Variants in NAT1 observed in about 807,000 individuals in gnomAD.
The protein encoded by NAT1 is arylamine N-acetyltransferase 1.
For synonymous variants in NAT1, 144 were observed against 122.6 expected, an observed-to-expected ratio of 1.17 and a Z score of -1.16; for missense variants, 400 against 339.2, an observed-to-expected ratio of 1.18 and a Z score of -1.41.
At chr8:18,182,309 A>G (rs1312419342) in intron 2 of NAT1, among the ~76,000 whole-genome samples, 2 of 152,138 alleles carry the variant, frequency 1.3e-5, no homozygotes, top group Non-Finnish European at 2.9e-5. Context: ...TTAATATTCC[A>G]ATGTATCAGT....
At chr8:18,187,180 A>G (rs1802772512) in intron 2 of NAT1, among the ~76,000 whole-genome samples, 1 of 152,228 alleles carries the variant, frequency 6.6e-6, no homozygotes, top group Admixed American at 6.5e-5. Flanking sequence ...TGTGGTTATT[A>G]TTAAAACATT....
intron 2 of NAT1, chr8:18,221,728 T>C (rs1805318146): frequency 8.2e-6 from 2 of 243,772 alleles, no homozygotes; most frequent in South Asian, 1.4e-4. Flanking sequence ...TTTTAAAGGA[T>C]ACCAGTTGGA....
At position 18,198,985 on chromosome 8, in the gene NAT1, G is replaced by C. The variant is rs540719682; in HGVS notation, n.93-10796G>C. On this transcript the variant is annotated intron_variant and non_coding_transcript_variant, in intron 2 of 4. Coordinates refer to the NAT1 transcript ENST00000517441. The stretch of plus-strand genomic sequence containing the variant: ...TTCTCTTTTTTTTGGAAAAAAAAGG[G>C]CCTTCTGCTTTTAGTCAACTGAAAT... Among the ~76,000 whole-genome samples, 5 of 152,146 alleles carry C rather than the reference G, an allele frequency of 3.3e-5. No individual in the cohort carries two copies. The South Asian group carries it at 6.2e-4, about 19-fold the overall frequency.
chr8:18,182,481 T>C (rs531188572), intron 2 of NAT1, among the ~76,000 whole-genome samples: 80 of 152,320 alleles, frequency 5.3e-4, no homozygotes, highest in African/African-American at 1.8e-3. Context: ...CCACCTAGGA[T>C]TGATTTTTGC....
intron 2 of NAT1, among the ~76,000 whole-genome samples, chr8:18,201,896 G>C (rs1246913871): frequency 1.3e-5 from 2 of 152,130 alleles, no homozygotes; most frequent in Admixed American, 6.5e-5. Flanking sequence ...TTTCATCAAA[G>C]GACTCCACCT....
At chr8:18,186,335 A>T (rs1203857366) in intron 2 of NAT1, among the ~76,000 whole-genome samples, 1 of 152,166 alleles carries the variant, frequency 6.6e-6, no homozygotes, top group East Asian at 1.9e-4. Flanking sequence ...TGTCATTATG[A>T]AGTGCTCCTC....
At chr8:18,198,022 A>T (rs1376846474) in intron 2 of NAT1, among the ~76,000 whole-genome samples, 1 of 152,158 alleles carries the variant, frequency 6.6e-6, no homozygotes, top group African/African-American at 2.4e-5. Context: ...AATTGCTAGC[A>T]AAGGCAAAAA....
upstream of NAT1, among the ~76,000 whole-genome samples, chr8:18,205,466 C>T (rs1803671048): frequency 6.6e-6 from 1 of 152,102 alleles, no homozygotes; most frequent in Admixed American, 6.5e-5. Context: ...AGTTTCACTC[C>T]CTCAGCAGTG....
chr8:18,193,698 A>G lies in NAT1; in HGVS notation n.93-16083A>G, dbSNP rs1476869745. On this transcript the variant is annotated intron_variant and non_coding_transcript_variant, in intron 2 of 4. Coordinates refer to the NAT1 transcript ENST00000517441. ...TTGGGGTCACCCAGGCTGGAGTGCAATGGTACGATCTCAGCTCACTACAAC... is the reference window on the plus strand; with the variant it reads ...TTGGGGTCACCCAGGCTGGAGTGCAGTGGTACGATCTCAGCTCACTACAAC... Among the ~76,000 whole-genome samples the G allele has an allele frequency of 3.7e-5, 5 of 135,618 alleles. No homozygotes were observed. The East Asian group carries it at 9.1e-4, about 25-fold the overall frequency. The allele number at this position is 135,618 out of a possible 152,430, so 89.0% of individuals were successfully genotyped here.
chr8:18,217,690 G>A (rs1277656442), intron 1 of NAT1, among the ~76,000 whole-genome samples: 1 of 152,170 alleles, frequency 6.6e-6, no homozygotes, highest in African/African-American at 2.4e-5. Flanking sequence ...AATACTGGCT[G>A]GTAGTGAGTA....
rs145975713 is a variant in NAT1, at chr8:18,222,388, T to C, written c.341T>C (p.Ile114Thr). The change falls in exon 3 of 3, where the codon ATT becomes ACT. Residue 114 changes from isoleucine to threonine, a missense_variant. Ile to Thr is a moderately conservative substitution (Grantham distance 89). Coordinates refer to ENST00000307719, the MANE Select transcript of NAT1 (RefSeq NM_000662.8). ...ATTCACCTTCTCCTGCAGGTGACCA[T>C]TGATGGCAGGAACTACATTGTCGAT... is the stretch of plus-strand genomic sequence containing the variant. ...GMIHLLLQVT[I>T]DGRNYIVDAG... The C allele has an allele frequency of 7.4e-5, 120 of 1,613,950 alleles. No individual in the cohort carries two copies. The highest frequency in any genetic ancestry group is 3.3e-4 in the Middle Eastern group (2 of 6,084).
Position 18,219,495 on chromosome 8 carries a change from A to G in NAT1, c.-7+6A>G. On this transcript the variant is annotated splice_donor_region_variant and intron_variant, in intron 2 of 2. Transcript: ENST00000307719. Reference sequence around the variant, plus strand: ...CTTTCAACTTACTAAGAAAGGTATTAAGCGCCTTTCTGAGAGCTCTCAGTG... The same window carrying G: ...CTTTCAACTTACTAAGAAAGGTATTGAGCGCCTTTCTGAGAGCTCTCAGTG... 6.5e-7 allele frequency: 1 copy of G among 1,528,246 alleles called. No homozygotes were observed. Among genetic ancestry groups the G allele is most frequent in the Middle Eastern group, 1.7e-4 (1 of 5,918 alleles). 94.7% of individuals were successfully genotyped at this position (1,528,246 alleles called of 1,614,324 possible). A position where few individuals can be genotyped will look rare whatever the true frequency, so the allele number is the denominator to read the frequency against.
intron 2 of NAT1, among the ~76,000 whole-genome samples, chr8:18,194,983 C>T (rs1168995123): frequency 6.6e-6 from 1 of 152,102 alleles, no homozygotes. Context: ...AGAGATCAGA[C>T]CCTCTTCTCA....
At chr8:18,204,769 T>C (rs1395449071) in intron 2 of NAT1, among the ~76,000 whole-genome samples, 1 of 152,222 alleles carries the variant, frequency 6.6e-6, no homozygotes, top group Non-Finnish European at 1.5e-5. Flanking sequence ...CAATTCTACA[T>C]ACAAAGTGTA....
chr8:18,177,976 G>C (rs1163011858), intron 2 of NAT1, among the ~76,000 whole-genome samples: 1 of 152,086 alleles, frequency 6.6e-6, no homozygotes, highest in Non-Finnish European at 1.5e-5. Context: ...AAACAGCTGA[G>C]TCAGCTATTA....
intron 1 of NAT1, among the ~76,000 whole-genome samples, chr8:18,217,338 C>G (rs1804785016): frequency 6.6e-6 from 1 of 152,222 alleles, no homozygotes; most frequent in East Asian, 1.9e-4. Context: ...ATAATATGCC[C>G]CAAATACTTA....
At chr8:18,205,091 A>T (rs758812542) in intron 2 of NAT1, among the ~76,000 whole-genome samples, 2 of 152,070 alleles carry the variant, frequency 1.3e-5, no homozygotes, top group East Asian at 3.9e-4. Flanking sequence ...TGGTCACTAC[A>T]CTCCGATGGG....
At chr8:18,181,756 AT>A (rs1802529880) in intron 2 of NAT1, among the ~76,000 whole-genome samples, 1 of 152,038 alleles carries the variant, frequency 6.6e-6, no homozygotes, top group African/African-American at 2.4e-5. Context: ...TTCCTTCCAT[AT>A]CCAGTTTGTT....
At chr8:18,220,804 A>G (rs1006392820) in intron 2 of NAT1, among the ~76,000 whole-genome samples, 2 of 148,014 alleles carry the variant, frequency 1.4e-5, no homozygotes, top group African/African-American at 4.9e-5. Flanking sequence ...GTACACGCTT[A>G]GGTTTCAGCA....
Sources: gnomAD v4.1 joint callset for allele counts (sites outside exome capture counted in the v4.1 genomes callset) on GRCh38, gnomAD v4.1.1 for gene constraint, MANE v1.5 for transcripts, NCBI Gene and HGNC (gene_info 2026-07-23, HGNC 2026-07-21) for gene names.